MTMR12: variants seen among roughly 807,000 people sequenced by gnomAD.
MTMR12 encodes the protein myotubularin-related protein 12.
In MTMR12, 33 loss-of-function variants were observed where a neutral mutation model predicts 96.7. The observed-to-expected ratio is 0.34, with a 90% CI of 0.26 to 0.46. The LOEUF is 0.46. MTMR12 is among the 20% of genes least tolerant of loss of function. The pLI, the probability that MTMR12 is intolerant of heterozygous loss-of-function variation, is 1.00. For missense variants in MTMR12, 721 were observed against 896.1 expected, an observed-to-expected ratio of 0.80 and a Z score of 2.49; for synonymous variants, 298 against 327.2, an observed-to-expected ratio of 0.91 and a Z score of 0.96.
intron 13 of MTMR12, among the ~76,000 whole-genome samples, chr5:32,238,246 T>C (rs1001965757): frequency 1.3e-5 from 2 of 151,608 alleles, no homozygotes; most frequent in Admixed American, 6.6e-5. Flanking sequence ...TCACTGTCAC[T>C]CAGGCTGGAG....
intron 8 of MTMR12, among the ~76,000 whole-genome samples, chr5:32,253,084 G>A (rs751570119): frequency 3.3e-5 from 5 of 152,170 alleles, no homozygotes; most frequent in Non-Finnish European, 5.9e-5. Context: ...ACCCACGAGG[G>A]GACATTTGGC....
intron 15 of MTMR12, among the ~76,000 whole-genome samples, chr5:32,231,254 G>T (rs773328393): frequency 4.6e-5 from 7 of 151,948 alleles, no homozygotes; most frequent in Non-Finnish European, 4.4e-5. Context: ...AAAATTAGCA[G>T]GGTGTGGTGG....
At chr5:32,305,556 A>G (rs956998944) in intron 1 of MTMR12, among the ~76,000 whole-genome samples, 2 of 152,174 alleles carry the variant, frequency 1.3e-5, no homozygotes, top group African/African-American at 2.4e-5. Flanking sequence ...TCATCCCAAT[A>G]ATTTCATCTT....
Position 32,248,014 on chromosome 5 carries a change from G to C in MTMR12, c.1009C>G (p.Leu337Val). The C allele has an allele frequency of 6.2e-7, 1 of 1,613,836 alleles. No individual in the cohort carries two copies. The highest frequency in any genetic ancestry group is 8.5e-7 in the Non-Finnish European group (1 of 1,179,838). Reference sequence around the variant, plus strand: ...GTATTCTTCTCACCTATCAGAAATAGCTGTTTAAATTTAGAGTATGCAGTC... The same window carrying C: ...GTATTCTTCTCACCTATCAGAAATACCTGTTTAAATTTAGAGTATGCAGTC... ...IQTAYSKFKQLFLIDNSTEFW... is the reference protein window; with the variant it reads ...IQTAYSKFKQVFLIDNSTEFW... The change falls in exon 10 of 16, where the codon CTA becomes GTA. Residue 337 changes from leucine to valine, a missense_variant. Transcript: ENST00000382142.
chr5:32,296,453 TG>T, intron 1 of MTMR12: 1 of 359,466 alleles, frequency 2.8e-6, no homozygotes, highest in South Asian at 2.0e-5. Flanking sequence ...CATTCCAGTC[TG>T]GGCAACAGAG....
Position 32,239,001 on chromosome 5 carries a change from C to G in MTMR12, c.1344G>C (p.Glu448Asp). 3 of 1,585,662 alleles carry G rather than the reference C, an allele frequency of 1.9e-6. No homozygotes were observed. Among genetic ancestry groups the G allele is most frequent in the South Asian group, 1.2e-5 (1 of 85,232 alleles). Reference protein sequence around the residue: ...CNHLRQNDKEEVPVFLLFLDC... With the variant: ...CNHLRQNDKEDVPVFLLFLDC... ...AACAGTCTGCAGTGAGGGAACTCAC[C>G]TCCTCTTTGTCGTTCTGGCGGAGAT... The change falls in exon 13 of 16, where the codon GAG becomes GAC. Residue 448 changes from glutamate to aspartate, a missense_variant and splice_region_variant. Transcript: ENST00000382142.
intron 8 of MTMR12, among the ~76,000 whole-genome samples, chr5:32,253,743 G>T (rs1387518769): frequency 6.6e-6 from 1 of 152,182 alleles, no homozygotes; most frequent in African/African-American, 2.4e-5. Flanking sequence ...CACCTCAGAC[G>T]CCAGAGTAGC....
chr5:32,236,663 C>T (rs1748244088), intron 13 of MTMR12, among the ~76,000 whole-genome samples: 1 of 151,926 alleles, frequency 6.6e-6, no homozygotes, highest in South Asian at 2.1e-4. Context: ...CATGGTGAAA[C>T]CCTGTCTCTA....
intron 1 of MTMR12, among the ~76,000 whole-genome samples, chr5:32,292,356 T>G (rs1750768270): frequency 1.3e-5 from 2 of 152,050 alleles, no homozygotes; most frequent in Non-Finnish European, 2.9e-5. Flanking sequence ...ACTAGCAAAA[T>G]TTTTGCCTCC....
At chr5:32,245,013 T>C (rs967449129) in intron 10 of MTMR12, among the ~76,000 whole-genome samples, 7 of 151,014 alleles carry the variant, frequency 4.6e-5, no homozygotes, top group African/African-American at 1.7e-4. Flanking sequence ...AAAAAAAAAA[T>C]GTGTTCCCTT....
chr5:32,283,820 G>A (rs76624227), intron 1 of MTMR12, among the ~76,000 whole-genome samples: 2,336 of 152,278 alleles, frequency 0.015, 30 homozygotes, highest in Non-Finnish European at 0.024. Context: ...GCATGGAGAA[G>A]AACCTTGAGG....
chr5:32,265,952 T>A (rs1205530719), intron 6 of MTMR12, among the ~76,000 whole-genome samples: 1 of 152,208 alleles, frequency 6.6e-6, no homozygotes, highest in Non-Finnish European at 1.5e-5. Context: ...ACAGGTCAAA[T>A]GGACACCAAA....
At chr5:32,259,558 C>CAT (rs1341923061) in intron 7 of MTMR12, among the ~76,000 whole-genome samples, 1 of 152,208 alleles carries the variant, frequency 6.6e-6, no homozygotes, top group Non-Finnish European at 1.5e-5. Flanking sequence ...GAGGACATAA[C>CAT]AATGGGCAAA....
chr5:32,284,152 ATT>A (rs35649909), intron 1 of MTMR12, among the ~76,000 whole-genome samples: 2 of 145,400 alleles, frequency 1.4e-5, no homozygotes, highest in Non-Finnish European at 1.5e-5. Context: ...ACAAAAAAAA[ATT>A]TTTTTTTTTT....
chr5:32,278,071 G>A (rs1022681778), intron 1 of MTMR12, among the ~76,000 whole-genome samples: 4 of 152,098 alleles, frequency 2.6e-5, no homozygotes, highest in African/African-American at 7.2e-5. Context: ...AGTATTTATG[G>A]GATATTCAAA....
chr5:32,308,975 AGTCAGACTACAACAAC>A (rs1015181038), intron 1 of MTMR12, among the ~76,000 whole-genome samples: 1 of 152,234 alleles, frequency 6.6e-6, no homozygotes, highest in Non-Finnish European at 1.5e-5. Context: ...ACATGTTTAG[AGTCAGACTACAACAAC>A]GAGGCATAGT....
intron 1 of MTMR12, among the ~76,000 whole-genome samples, chr5:32,290,374 T>G (rs939170334): frequency 2.0e-5 from 3 of 152,194 alleles, no homozygotes; most frequent in Non-Finnish European, 2.9e-5. Context: ...CATTTTCATG[T>G]CAGAGGATGG....
At chr5:32,247,738 G>C in intron 10 of MTMR12, 1 of 985,252 alleles carries the variant, frequency 1.0e-6, no homozygotes. Context: ...TCACCACTGG[G>C]CAAATGGTAT....
chr5:32,248,995 A>G, intron 8 of MTMR12, 117 bp from the exon 9 acceptor site: 1 of 748,616 alleles, frequency 1.3e-6, no homozygotes, highest in East Asian at 2.5e-5. Context: ...AAATGGCTGG[A>G]CATACTTAAC....
Sources: gnomAD v4.1 joint callset for allele counts (sites outside exome capture counted in the v4.1 genomes callset) on GRCh38, gnomAD v4.1.1 for gene constraint, MANE v1.5 for transcripts, NCBI Gene and HGNC (gene_info 2026-07-23, HGNC 2026-07-21) for gene names.